Variants in TNS2 observed in about 807,000 individuals in gnomAD.
The protein encoded by TNS2 is tensin 2.
In TNS2, 77 loss-of-function variants were observed where a neutral mutation model predicts 155.7. The ratio of observed to expected loss-of-function variants is 0.49; its 90% CI spans 0.41 to 0.60. The LOEUF (loss-of-function observed/expected upper bound fraction) is 0.60. Among genes scored for constraint, TNS2 ranks in the 20% least tolerant of loss-of-function variants. The pLI is 0.00. For missense variants in TNS2, 1,703 were observed against 1,868.8 expected (o/e 0.91, Z 1.64); for synonymous variants, 726 against 763.9 (o/e 0.95, Z 0.82).
intron 20 of TNS2, 24 bp downstream of exon 20, chr12:53,061,288 G>T (rs770073984): frequency 6.9e-6 from 11 of 1,599,156 alleles, no homozygotes; most frequent in Non-Finnish European, 9.4e-6. Flanking sequence ...GAGGGGGTTG[G>T]TGCCACCTTG....
Position 53,063,728 on chromosome 12 carries a change from C to A in TNS2, c.4092-16C>A, listed in dbSNP as rs769470845. ...GAAGGAATGTTAAGCCCCTTCCCCA[C>A]CCTTTATCCCCCTAGGATCTTTGGT... On this transcript the variant is annotated splice_polypyrimidine_tract_variant and intron_variant, in intron 28 of 28. Transcript: ENST00000314250. This position sits in a 1 kb window ranked among gnomAD's most constrained non-coding sequence, Gnocchi z 5.6. 3.1e-6 allele frequency: 5 copies of A among 1,613,852 alleles called. No individual in the cohort carries two copies. The highest frequency in any genetic ancestry group is 4.2e-6 in the Non-Finnish European group (5 of 1,179,840).
At chr12:53,062,920 T>G in intron 25 of TNS2, 169 bp from the exon 26 acceptor site, 1 of 1,019,076 alleles carries the variant, frequency 9.8e-7, no homozygotes, top group Non-Finnish European at 1.4e-6. Context: ...GAGGCTTCTC[T>G]GCCTCGCTTC....
chr12:53,053,889 G>A, intron 5 of TNS2, 76 bp from the exon 6 acceptor site: 2 of 1,614,022 alleles, frequency 1.2e-6, no homozygotes, highest in Non-Finnish European at 1.7e-6. Context: ...AGACAAAAAG[G>A]GCATGGCTCT....
chr12:53,061,493 C>A, intron 21 of TNS2, 24 bp downstream of exon 21: 1 of 1,608,510 alleles, frequency 6.2e-7, no homozygotes, highest in Non-Finnish European at 8.5e-7. Context: ...CTGCCCCCAC[C>A]CCACTGCATC....
Position 53,060,509 on chromosome 12 carries a change from C to T in TNS2, c.2722C>T (p.Pro908Ser), listed in dbSNP as rs368399597. ...PCSASSELSG[P>S]STPLHTSSPV... ...CAGTGCTTCGTCAGAGTTGTCTGGT[C>T]CCTCCACGCCCCTGCACACCAGCAG... is the stretch of plus-strand genomic sequence containing the variant. Residue 908 changes from proline to serine, a missense_variant, in exon 19 of 29, where the codon CCC (proline) becomes TCC (serine). Coordinates refer to ENST00000314250, the MANE Select transcript of TNS2 (RefSeq NM_170754.4). The surrounding 1 kb of genome is among the most constrained non-coding windows in gnomAD (Gnocchi z 6.1). The T allele has an allele frequency of 6.2e-7, 1 of 1,613,706 alleles. No homozygotes were observed. The highest frequency in any genetic ancestry group is 1.3e-5 in the African/African-American group (1 of 74,880).
rs2121140072 is a variant in TNS2, at chr12:53,059,234, GC to G, written c.1598del (p.Pro533LeufsTer13). 1 of 1,533,400 alleles carries G rather than the reference GC, an allele frequency of 6.5e-7. No homozygotes were observed. The highest frequency in any genetic ancestry group is 8.7e-7 in the Non-Finnish European group (1 of 1,150,526). The allele number at this position is 1,533,400 out of a possible 1,614,324, so 95.0% of individuals were successfully genotyped here. ...CGGCTGCTGAGTCCCCTGGCCGGCC[GC>G]CCCCTACAGCTGCTGAACGGCAGGA... ...EPAAESPGRP[P>X]PTAAERQELD... On this transcript the variant is annotated frameshift_variant, in exon 18 of 29. Transcript: ENST00000314250. LOFTEE classifies it high-confidence loss of function. This position sits in a 1 kb window ranked among gnomAD's most constrained non-coding sequence, Gnocchi z 4.7.
chr12:53,063,964 C>G lies in TNS2; in HGVS notation c.*82C>G. ...AGCCCTCACATCCCCTGGCCTGGAC[C>G]CAGGAGACCCAGGAGAAAGCACCCT... On this transcript the variant is annotated 3_prime_UTR_variant, in exon 29 of 29. Transcript: ENST00000314250. This position sits in a 1 kb window ranked among gnomAD's most constrained non-coding sequence, Gnocchi z 5.6. 2 of 1,471,332 alleles carry G rather than the reference C, an allele frequency of 1.4e-6. No individual in the cohort carries two copies. The highest frequency in any genetic ancestry group is 1.8e-6 in the Non-Finnish European group (2 of 1,083,710). 91.1% of individuals were successfully genotyped at this position (1,471,332 alleles called of 1,614,324 possible). A position where few individuals can be genotyped will look rare whatever the true frequency, so the allele number is the denominator to read the frequency against.
chr12:53,047,820 C>T (rs1943781122), upstream of TNS2, among the ~76,000 whole-genome samples: 1 of 152,182 alleles, frequency 6.6e-6, no homozygotes, highest in Non-Finnish European at 1.5e-5. Flanking sequence ...TCTGCGGCCC[C>T]CTCCAGTCTG....
At chr12:53,062,965 T>G in intron 25 of TNS2, 124 bp from the exon 26 acceptor site, 1 of 1,337,510 alleles carries the variant, frequency 7.5e-7, no homozygotes, top group South Asian at 1.5e-5. Flanking sequence ...GGAATCTGCC[T>G]TTTTAACAAG....
In TNS2 at chr12:53,062,379, G is replaced by A. The variant is rs1049341229; in HGVS notation, c.3671G>A (p.Ser1224Asn). The A allele has an allele frequency of 6.2e-7, 1 of 1,613,850 alleles. No individual in the cohort carries two copies. The highest frequency in any genetic ancestry group is 1.3e-5 in the African/African-American group (1 of 74,870). Residue 1224 changes from serine (S) to asparagine (N), a missense_variant, in exon 24 of 29, where the codon AGC becomes AAC. Ser to Asn is a conservative substitution (Grantham distance 46). Transcript: ENST00000314250. ...KGCPSEPYFG[S>N]LSALVSQHSI... ...TTTCCTACCTCCTCTCCCACAGGCA[G>A]CCTGTCCGCCTTGGTCTCCCAGCAC...
chr12:53,050,149 C>G lies in TNS2; in HGVS notation c.-37C>G. ...CCCCGGGCCAGGCCCCAGCATTGTT[C>G]AGGCCCTGGGGCCAGCACCCCAGCC... On this transcript the variant is annotated 5_prime_UTR_variant, in exon 1 of 29. Transcript: ENST00000314250. The surrounding 1 kb of genome is among the most constrained non-coding windows in gnomAD (Gnocchi z 4.7). 4 of 1,599,806 alleles carry G rather than the reference C, an allele frequency of 2.5e-6. No homozygotes were observed. The highest frequency in any genetic ancestry group is 3.4e-6 in the Non-Finnish European group (4 of 1,174,686).
At position 53,059,230 on chromosome 12, in the gene TNS2, G is replaced by A. The variant is rs186505042; in HGVS notation, c.1589G>A (p.Arg530Gln). 6,835 of 1,544,942 alleles carry A rather than the reference G, an allele frequency of 4.4e-3. 41 individuals carry two copies. The highest frequency in any genetic ancestry group is 0.015 in the Middle Eastern group (84 of 5,728). ...TTEPAAESPG[R>Q]PPPTAAERQE... is the part of the protein sequence containing the mutation. ...GAGCCGGCTGCTGAGTCCCCTGGCC[G>A]GCCGCCCCCTACAGCTGCTGAACGG... is the stretch of plus-strand genomic sequence containing the variant. Residue 530 changes from arginine (R) to glutamine (Q), a missense_variant, in exon 18 of 29, where the codon CGG becomes CAG. By Grantham distance (43) the Arg-to-Gln change is conservative. Transcript: ENST00000314250. This position sits in a 1 kb window ranked among gnomAD's most constrained non-coding sequence, Gnocchi z 4.7.
At chr12:53,049,335 G>A, upstream of TNS2, 1 of 1,129,766 alleles carries the variant, frequency 8.9e-7, no homozygotes. Context: ...AAGAGGGCTA[G>A]GGATCTGTGA....
Position 53,058,110 on chromosome 12 carries a change from G to A in TNS2, c.1095+8G>A, listed in dbSNP as rs541205449. The A allele has an allele frequency of 5.6e-6, 9 of 1,614,162 alleles. No homozygotes were observed. The African/African-American group carries it at 9.3e-5, about 17-fold the overall frequency. On this transcript the variant is annotated splice_region_variant and intron_variant, in intron 14 of 28. Coordinates refer to ENST00000314250, the MANE Select transcript of TNS2 (RefSeq NM_170754.4). ...CTCAAAGGCGATGTCATGGTGAGGG[G>A]GGTCCTGTCAACAAGAAGAATCCTG...
chr12:53,054,074 G>C (rs1944038848), intron 6 of TNS2, 60 bp downstream of exon 6: 4 of 1,610,390 alleles, frequency 2.5e-6, no homozygotes, highest in Non-Finnish European at 3.4e-6. Context: ...CCACACCTCA[G>C]CCCAGGGCAC....
intron 10 of TNS2, chr12:53,056,497 CT>C (rs1211090642): frequency 6.5e-6 from 1 of 154,602 alleles, no homozygotes; most frequent in Non-Finnish European, 1.4e-5. Flanking sequence ...TTCCTTGTCT[CT>C]TTCTAGCTTC....
In TNS2 at chr12:53,062,371, C is replaced by T. The variant is rs755278380; in HGVS notation, c.3668-5C>T. ...CTCGGGACTTTCCTACCTCCTCTCCCACAGGCAGCCTGTCCGCCTTGGTCT... is the reference window on the plus strand; with the variant it reads ...CTCGGGACTTTCCTACCTCCTCTCCTACAGGCAGCCTGTCCGCCTTGGTCT... On this transcript the variant is annotated splice_polypyrimidine_tract_variant and splice_region_variant and intron_variant, in intron 23 of 28. Transcript: ENST00000314250. 6.2e-7 allele frequency: 1 copy of T among 1,613,934 alleles called. No individual in the cohort carries two copies. Among genetic ancestry groups the T allele is most frequent in the Non-Finnish European group, 8.5e-7 (1 of 1,179,910 alleles).
chr12:53,057,978 G>A (rs765172650), intron 13 of TNS2, 49 bp from the exon 14 acceptor site: 1 of 1,612,626 alleles, frequency 6.2e-7, no homozygotes, highest in Non-Finnish European at 8.5e-7. Flanking sequence ...AGCTGCCTCT[G>A]CACGCAGGAG....
At position 53,059,884 on chromosome 12, in the gene TNS2, C is replaced by G. The variant is rs147613740; in HGVS notation, c.2243C>G (p.Pro748Arg). ...LLPACGHHHA[P>R]MPDYSCLKPP... Reference sequence around the variant, plus strand: ...CCTGCCTGTGGGCATCACCATGCCCCGATGCCTGACTACAGCTGCCTGAAG... The same window carrying G: ...CCTGCCTGTGGGCATCACCATGCCCGGATGCCTGACTACAGCTGCCTGAAG... The change falls in exon 18 of 29, where the codon CCG (proline) becomes CGG (arginine). Residue 748 changes from proline to arginine, a missense_variant. Coordinates refer to ENST00000314250, the MANE Select transcript of TNS2 (RefSeq NM_170754.4). This position sits in a 1 kb window ranked among gnomAD's most constrained non-coding sequence, Gnocchi z 4.7. 1 of 1,612,990 alleles carries G rather than the reference C, an allele frequency of 6.2e-7. No homozygotes were observed. The highest frequency in any genetic ancestry group is 1.1e-5 in the South Asian group (1 of 91,070).
Sources: allele counts gnomAD v4.1 joint callset (sites outside exome capture counted in the v4.1 genomes callset), GRCh38; gene constraint gnomAD v4.1.1; non-coding constraint Gnocchi (gnomAD v3.1); transcripts MANE v1.5; gene names NCBI Gene and HGNC (gene_info 2026-07-23, HGNC 2026-07-21).